STXBP4: variants seen among roughly 807,000 people sequenced by gnomAD.
The protein encoded by STXBP4 is syntaxin binding protein 4.
Under a neutral mutation model 76.1 loss-of-function variants are expected in STXBP4, and 55 were observed. That is an observed-to-expected ratio of 0.72 (90% CI 0.58 to 0.91). STXBP4 has a LOEUF of 0.91. STXBP4 is among the 40% of genes least tolerant of loss of function. The probability of loss-of-function intolerance (pLI) is 0.00; values close to 1 mark genes in which losing one functional copy is unlikely to be tolerated. For missense variants in STXBP4, 618 were observed against 636.9 expected (o/e 0.97, Z 0.32); for synonymous variants, 201 against 220.2 (o/e 0.91, Z 0.77).
Position 55,159,818 on chromosome 17 carries a change from CT to C in STXBP4, c.1570del (p.Trp524GlyfsTer5). ...CAAGTCATGTAACACAGACTACATCCTGGATCCATCCCGTGATGAGTGTCCT... is the reference window on the plus strand; with the variant it reads ...CAAGTCATGTAACACAGACTACATCCGGATCCATCCCGTGATGAGTGTCCT... ...FINHVTQTTS[W>X]IHPVMSVLNL... On this transcript the variant is annotated frameshift_variant, in exon 18 of 18. Transcript: ENST00000376352. LOFTEE classifies it high-confidence loss of function. 6.2e-7 allele frequency: 1 copy of C among 1,612,872 alleles called. No individual in the cohort carries two copies. The highest frequency in any genetic ancestry group is 8.5e-7 in the Non-Finnish European group (1 of 1,178,986).
downstream of STXBP4, among the ~76,000 whole-genome samples, chr17:55,176,366 A>G (rs1482008526): frequency 6.6e-6 from 1 of 152,194 alleles, no homozygotes; most frequent in Non-Finnish European, 1.5e-5. Flanking sequence ...AGAAGAGGAA[A>G]GGTGAGAGAG....
intron 17 of STXBP4, among the ~76,000 whole-genome samples, chr17:55,145,940 TGA>T (rs1468572706): frequency 6.6e-6 from 1 of 152,208 alleles, no homozygotes; most frequent in East Asian, 1.9e-4. Flanking sequence ...TCCATGATCT[TGA>T]GAGTGCTATA....
intron 10 of STXBP4, among the ~76,000 whole-genome samples, chr17:55,042,847 G>A (rs1198657684): frequency 6.6e-6 from 1 of 152,078 alleles, no homozygotes; most frequent in East Asian, 1.9e-4. Context: ...GATTTATAAT[G>A]TACAGCATTT....
chr17:55,155,849 C>G (rs2080271117), intron 17 of STXBP4, among the ~76,000 whole-genome samples: 1 of 152,106 alleles, frequency 6.6e-6, no homozygotes, highest in Non-Finnish European at 1.5e-5. Context: ...ACTTACATTT[C>G]TATGCCAATA....
At chr17:55,031,302 C>CAT in intron 9 of STXBP4, 38 bp downstream of exon 9, 1 of 1,456,000 alleles carries the variant, frequency 6.9e-7, no homozygotes. Context: ...ATCACTGAAT[C>CAT]ATCATTCAAG....
At chr17:55,006,083 A>G (rs2078003590) in intron 7 of STXBP4, among the ~76,000 whole-genome samples, 2 of 152,104 alleles carry the variant, frequency 1.3e-5, no homozygotes, top group Admixed American at 6.6e-5. Flanking sequence ...ATTAGGTATC[A>G]TGATTACAAA....
intron 8 of STXBP4, among the ~76,000 whole-genome samples, chr17:55,026,956 G>T (rs1035514717): frequency 6.6e-6 from 1 of 152,176 alleles, no homozygotes; most frequent in Non-Finnish European, 1.5e-5. Context: ...ATCTCTATGT[G>T]AAAGTCTTAT....
chr17:55,197,334 A>T, the STXBP4 span, among the ~76,000 whole-genome samples: 1 of 152,222 alleles, frequency 6.6e-6, no homozygotes, highest in Non-Finnish European at 1.5e-5. Flanking sequence ...GAAATTTACT[A>T]CTTTACCTGG....
intron 16 of STXBP4, among the ~76,000 whole-genome samples, chr17:55,086,900 C>G (rs150580752): frequency 1.3e-5 from 2 of 152,226 alleles, no homozygotes; most frequent in African/African-American, 2.4e-5. Context: ...CAAGGGTTCC[C>G]TTTTCTCTGC....
intron 8 of STXBP4, among the ~76,000 whole-genome samples, chr17:55,013,678 A>G (rs2078152145): frequency 6.6e-6 from 1 of 152,238 alleles, no homozygotes; most frequent in South Asian, 2.1e-4. Flanking sequence ...TGATGGCACA[A>G]GGTTTCTGAA....
intron 1 of STXBP4, among the ~76,000 whole-genome samples, chr17:54,984,648 C>A (rs1219229416): frequency 6.6e-6 from 1 of 152,060 alleles, no homozygotes; most frequent in African/African-American, 2.4e-5. Flanking sequence ...CGGCCAGTTT[C>A]TCTGGGATTC....
At chr17:55,179,431 A>G in the STXBP4 span, among the ~76,000 whole-genome samples, 1 of 152,206 alleles carries the variant, frequency 6.6e-6, no homozygotes, top group African/African-American at 2.4e-5. Flanking sequence ...AAAAGAAAGC[A>G]CATCCTTGGG....
At chr17:55,043,938 T>A (rs1303236100) in intron 11 of STXBP4, 2 of 286,328 alleles carry the variant, frequency 7.0e-6, no homozygotes, top group Non-Finnish European at 1.3e-5. Context: ...AGCCTCAACC[T>A]CCTGGGTTCA....
intron 13 of STXBP4, among the ~76,000 whole-genome samples, chr17:55,077,579 C>T (rs760203429): frequency 2.6e-4 from 40 of 151,950 alleles, no homozygotes; most frequent in Non-Finnish European, 4.9e-4. Context: ...ATATACCCTC[C>T]GAACAAATAA....
chr17:55,170,740 T>C lies in STXBP4; in HGVS notation c.*10829T>C, dbSNP rs557786838. On this transcript the variant is annotated 3_prime_UTR_variant, in exon 18 of 18. Coordinates refer to ENST00000376352, the MANE Select transcript of STXBP4 (RefSeq NM_178509.6). ...GCATTGTCAATAACTAAATTGATTA[T>C]TGTGGAAACAACAAAAAAATTCATT... 9 of 152,346 alleles carry C rather than the reference T, an allele frequency of 5.9e-5. No individual in the cohort carries two copies. The South Asian group carries it at 1.2e-3, about 21-fold the overall frequency. The allele number at this position is 152,346 out of a possible 1,614,324, so 9.4% of individuals were successfully genotyped here.
chr17:55,013,790 G>A (rs1226098890), intron 8 of STXBP4, among the ~76,000 whole-genome samples: 1 of 152,216 alleles, frequency 6.6e-6, no homozygotes, highest in South Asian at 2.1e-4. Context: ...ATAGATGGGG[G>A]CTATCCCTGA....
At chr17:55,201,611 C>A in the STXBP4 span, among the ~76,000 whole-genome samples, 2 of 152,162 alleles carry the variant, frequency 1.3e-5, no homozygotes, top group Non-Finnish European at 2.9e-5. Context: ...TCTCAGCATG[C>A]CTAGGAAATT....
At chr17:54,983,857 G>C (rs1284305531) in intron 1 of STXBP4, among the ~76,000 whole-genome samples, 1 of 152,082 alleles carries the variant, frequency 6.6e-6, no homozygotes, top group Non-Finnish European at 1.5e-5. Flanking sequence ...TCAGTCTTGT[G>C]GACAGCTGCA....
chr17:55,124,108 G>A (rs2079878060), intron 16 of STXBP4, among the ~76,000 whole-genome samples: 1 of 152,098 alleles, frequency 6.6e-6, no homozygotes, highest in Non-Finnish European at 1.5e-5. Flanking sequence ...TCTTATCAAG[G>A]GTGTTTAGGT....
Sources: gnomAD v4.1 joint callset for allele counts (sites outside exome capture counted in the v4.1 genomes callset) on GRCh38, gnomAD v4.1.1 for gene constraint, MANE v1.5 for transcripts, NCBI Gene and HGNC (gene_info 2026-07-23, HGNC 2026-07-21) for gene names.